Variants in PAK1 observed in about 807,000 individuals in gnomAD.
The protein encoded by PAK1 is p21 (RAC1) activated kinase 1, also known as serine/threonine-protein kinase PAK 1.
Under a neutral mutation model 67.4 loss-of-function variants are expected in PAK1, and 29 were observed. The ratio of observed to expected loss-of-function variants is 0.43; its 90% CI spans 0.32 to 0.59. The LOEUF (loss-of-function observed/expected upper bound fraction) is 0.59, where lower values mean the gene tolerates loss of function less well. PAK1 is among the 20% of genes least tolerant of loss of function. PAK1 has a pLI of 0.07. For missense variants in PAK1, 337 were observed against 670.7 expected (o/e 0.50, Z 5.50); for synonymous variants, 223 against 237.4 (o/e 0.94, Z 0.56).
chr11:77,324,464 TG>T (rs1196764429), intron 14 of PAK1, among the ~76,000 whole-genome samples: 1 of 152,130 alleles, frequency 6.6e-6, no homozygotes, highest in East Asian at 1.9e-4. Flanking sequence ...TGAGCCACCG[TG>T]CCTGGTCTAA....
chr11:77,393,505 C>G (rs895780086), intron 1 of PAK1, among the ~76,000 whole-genome samples: 2 of 152,066 alleles, frequency 1.3e-5, no homozygotes, highest in Non-Finnish European at 2.9e-5. Flanking sequence ...CTATGTTGCC[C>G]AGGCTGGTCT....
chr11:77,499,932 C>A, the PAK1 span, among the ~76,000 whole-genome samples: 1 of 152,148 alleles, frequency 6.6e-6, no homozygotes, highest in Admixed American at 6.5e-5. Context: ...AATCCACCAT[C>A]CAGCATCAGC....
At chr11:77,379,011 A>G (rs1442964758) in intron 4 of PAK1, among the ~76,000 whole-genome samples, 2 of 152,194 alleles carry the variant, frequency 1.3e-5, no homozygotes, top group African/African-American at 4.8e-5. Flanking sequence ...TGTTCTCTCT[A>G]TATAATACCA....
At chr11:77,465,014 C>G (rs192830209) in intron 1 of PAK1, among the ~76,000 whole-genome samples, 19 of 105,050 alleles carry the variant, frequency 1.8e-4, no homozygotes, top group South Asian at 3.0e-4. Flanking sequence ...GTGTGTGTGT[C>G]TGTGTGTGTG....
rs540940041 is a variant in PAK1, at chr11:77,322,857, C to T, written c.*417G>A. On this transcript the variant is annotated 3_prime_UTR_variant, in exon 15 of 15. Transcript: ENST00000356341. Reference sequence around the variant, plus strand: ...ATGAGGTGTCTGGGCAGTTGAGTCACAGAAAAGCAAGCACTAAAGAAATCT... The same window carrying T: ...ATGAGGTGTCTGGGCAGTTGAGTCATAGAAAAGCAAGCACTAAAGAAATCT... The T allele has an allele frequency of 4.1e-6, 2 of 487,116 alleles. No individual in the cohort carries two copies. Among genetic ancestry groups the T allele is most frequent in the South Asian group, 5.3e-5 (2 of 37,542 alleles). 30.2% of individuals were successfully genotyped at this position (487,116 alleles called of 1,614,324 possible).
intron 1 of PAK1, among the ~76,000 whole-genome samples, chr11:77,445,233 T>C (rs1033766652): frequency 6.6e-6 from 1 of 152,108 alleles, no homozygotes; most frequent in Non-Finnish European, 1.5e-5. Context: ...GAAACTAGGA[T>C]AGAGGCCAGG....
chr11:77,344,370 T>C (rs1178851666), intron 9 of PAK1, among the ~76,000 whole-genome samples: 2 of 152,212 alleles, frequency 1.3e-5, no homozygotes, highest in Non-Finnish European at 2.9e-5. Flanking sequence ...TGGCTAGGTA[T>C]AGAGGCTTCA....
the PAK1 span, among the ~76,000 whole-genome samples, chr11:77,524,676 C>T: frequency 6.6e-6 from 1 of 152,142 alleles, no homozygotes; most frequent in Non-Finnish European, 1.5e-5. Flanking sequence ...TGGCTTAAGG[C>T]CTGAGTCATA....
chr11:77,335,614 A>G (rs1322130493), intron 13 of PAK1, among the ~76,000 whole-genome samples: 2 of 152,158 alleles, frequency 1.3e-5, no homozygotes, highest in Admixed American at 6.5e-5. Context: ...CTCGCAGTCT[A>G]TTTTCCATAA....
intron 1 of PAK1, among the ~76,000 whole-genome samples, chr11:77,427,865 T>A (rs1156310869): frequency 6.6e-6 from 1 of 152,240 alleles, no homozygotes; most frequent in East Asian, 1.9e-4. Flanking sequence ...GGCTCTGACA[T>A]CCATAGCAGA....
chr11:77,519,103 C>T, the PAK1 span, among the ~76,000 whole-genome samples: 3 of 152,164 alleles, frequency 2.0e-5, no homozygotes, highest in South Asian at 2.1e-4. Flanking sequence ...TTGGTATCAT[C>T]GAATTCTTAG....
At chr11:77,341,651 C>T (rs1004249966) in intron 10 of PAK1, among the ~76,000 whole-genome samples, 10 of 152,122 alleles carry the variant, frequency 6.6e-5, no homozygotes, top group Non-Finnish European at 1.0e-4. Context: ...AAAAACAAGG[C>T]GAGCCTAGAG....
chr11:77,396,986 A>T (rs1231679837), intron 1 of PAK1: 1 of 152,240 alleles, frequency 6.6e-6, no homozygotes, highest in Non-Finnish European at 1.5e-5. Context: ...GGTCCAAAAC[A>T]ACAAACATGC....
At chr11:77,417,010 G>T (rs1954999618) in intron 1 of PAK1, among the ~76,000 whole-genome samples, 1 of 151,986 alleles carries the variant, frequency 6.6e-6, no homozygotes, top group Admixed American at 6.6e-5. Context: ...CAGCACAGCA[G>T]GTTTGTTTAC....
At chr11:77,412,705 T>A (rs1954691737) in intron 1 of PAK1, among the ~76,000 whole-genome samples, 1 of 152,198 alleles carries the variant, frequency 6.6e-6, no homozygotes, top group Non-Finnish European at 1.5e-5. Context: ...ATTACAGGCA[T>A]GAGCCACCAC....
chr11:77,394,656 C>A (rs534921463), intron 1 of PAK1, among the ~76,000 whole-genome samples: 1 of 152,182 alleles, frequency 6.6e-6, no homozygotes, highest in East Asian at 1.9e-4. Flanking sequence ...ACCATCCTGG[C>A]CAATATGGTG....
chr11:77,382,449 T>C (rs1179534261), intron 2 of PAK1, among the ~76,000 whole-genome samples: 1 of 152,166 alleles, frequency 6.6e-6, no homozygotes, highest in Non-Finnish European at 1.5e-5. Flanking sequence ...CAGCAATCTT[T>C]TAAAGACTGG....
At chr11:77,396,523 C>T (rs1048209146) in intron 1 of PAK1, among the ~76,000 whole-genome samples, 1 of 152,172 alleles carries the variant, frequency 6.6e-6, no homozygotes, top group Non-Finnish European at 1.5e-5. Flanking sequence ...TGGCACAGAA[C>T]AGGTAATCAA....
At chr11:77,393,472 T>A (rs542176019) in intron 1 of PAK1, among the ~76,000 whole-genome samples, 58 of 151,928 alleles carry the variant, frequency 3.8e-4, no homozygotes, top group South Asian at 2.7e-3. Flanking sequence ...TTAAAAAAAA[T>A]TTTTTTGGAG....
Sources: gnomAD v4.1 joint callset for allele counts (sites outside exome capture counted in the v4.1 genomes callset) on GRCh38, gnomAD v4.1.1 for gene constraint, MANE v1.5 for transcripts, NCBI Gene and HGNC (gene_info 2026-07-23, HGNC 2026-07-21) for gene names.